Variants in RBFOX1 observed in about 807,000 individuals in gnomAD.
RBFOX1 encodes the protein RNA binding fox-1 homolog 1, also known as RNA binding protein fox-1 homolog 1.
Under a neutral mutation model 57.7 loss-of-function variants are expected in RBFOX1, and 8 were observed. The ratio of observed to expected loss-of-function variants is 0.14; its 90% CI spans 0.08 to 0.25. The LOEUF is 0.25. Ranked by LOEUF, RBFOX1 falls within the 10% of genes least tolerant of loss-of-function variation. The pLI is 1.00. For missense variants in RBFOX1, 611 were observed against 548.5 expected, an observed-to-expected ratio of 1.11 and a Z score of -1.14; for synonymous variants, 326 against 222.4, an observed-to-expected ratio of 1.47 and a Z score of -4.15.
At chr16:6,165,481 A>G (rs2096910465) in intron 1 of RBFOX1, among the ~76,000 whole-genome samples, 1 of 152,154 alleles carries the variant, frequency 6.6e-6, no homozygotes, top group Non-Finnish European at 1.5e-5. Flanking sequence ...GTCTCACTCA[A>G]AAGAGTTCAA....
chr16:6,042,685 C>T (rs553187015), intron 1 of RBFOX1, among the ~76,000 whole-genome samples: 3 of 151,930 alleles, frequency 2.0e-5, no homozygotes, highest in Admixed American at 1.3e-4. Context: ...CCTAAGAAAG[C>T]GTGTCTAAGA....
At chr16:7,665,051 T>C (rs555359322) in intron 13 of RBFOX1, 83 bp downstream of exon 13, 16 of 1,612,184 alleles carry the variant, frequency 9.9e-6, no homozygotes, top group Middle Eastern at 1.7e-4. Flanking sequence ...TTTCTCTACT[T>C]GGCGTAGTTG....
intron 1 of RBFOX1, among the ~76,000 whole-genome samples, chr16:5,347,647 C>G (rs902577975): frequency 6.9e-6 from 1 of 145,208 alleles, no homozygotes; most frequent in Non-Finnish European, 1.5e-5. Context: ...CACCCATCTA[C>G]CCATCTACCC....
intron 3 of RBFOX1, among the ~76,000 whole-genome samples, chr16:5,605,663 T>G (rs2047547345): frequency 6.7e-6 from 1 of 149,980 alleles, no homozygotes; most frequent in African/African-American, 2.5e-5. Flanking sequence ...CTGCCTTGAG[T>G]CTAGGAGGGG....
At chr16:6,800,451 A>G (rs2085135769) in intron 3 of RBFOX1, among the ~76,000 whole-genome samples, 2 of 152,148 alleles carry the variant, frequency 1.3e-5, no homozygotes, top group Admixed American at 6.5e-5. Flanking sequence ...GCTAAATGCA[A>G]ATTTTGGTTC....
chr16:6,490,873 T>C (rs945709426), intron 2 of RBFOX1, among the ~76,000 whole-genome samples: 4 of 152,170 alleles, frequency 2.6e-5, no homozygotes, highest in Non-Finnish European at 4.4e-5. Flanking sequence ...AAAAGACTGA[T>C]GTTGGATCCA....
chr16:6,281,708 A>G (rs906737459), intron 1 of RBFOX1, among the ~76,000 whole-genome samples: 7 of 152,148 alleles, frequency 4.6e-5, no homozygotes, highest in African/African-American at 1.7e-4. Flanking sequence ...TCATAACATT[A>G]ACAGTTGAAT....
At chr16:6,781,722 A>T (rs1487316864) in intron 3 of RBFOX1, among the ~76,000 whole-genome samples, 1 of 152,128 alleles carries the variant, frequency 6.6e-6, no homozygotes, top group Non-Finnish European at 1.5e-5. Context: ...AGTTGATAAA[A>T]ATACTCTCTA....
intron 1 of RBFOX1, among the ~76,000 whole-genome samples, chr16:6,308,019 G>T (rs968436317): frequency 1.3e-5 from 2 of 149,552 alleles, no homozygotes; most frequent in African/African-American, 4.9e-5. Flanking sequence ...TTTTATAAAT[G>T]ATATTTATGT....
At chr16:6,074,669 G>T (rs1240512604) in intron 1 of RBFOX1, among the ~76,000 whole-genome samples, 1 of 152,232 alleles carries the variant, frequency 6.6e-6, no homozygotes, top group African/African-American at 2.4e-5. Context: ...GAAGTCAAGT[G>T]AGGGTCAGTG....
intron 4 of RBFOX1, among the ~76,000 whole-genome samples, chr16:7,203,149 C>T (rs961211996): frequency 5.3e-5 from 8 of 152,102 alleles, no homozygotes; most frequent in East Asian, 1.9e-4. Context: ...AAGTGTTTAT[C>T]AATGATGAAC....
At chr16:5,645,856 C>T (rs945334192) in intron 3 of RBFOX1, among the ~76,000 whole-genome samples, 10 of 152,082 alleles carry the variant, frequency 6.6e-5, no homozygotes, top group Admixed American at 6.6e-5. Context: ...ATTTCATAGA[C>T]AAAGGGTCTT....
intron 4 of RBFOX1, among the ~76,000 whole-genome samples, chr16:7,137,912 T>C (rs541293784): frequency 6.6e-6 from 1 of 152,328 alleles, no homozygotes; most frequent in African/African-American, 2.4e-5. Context: ...TTTAGCTTGA[T>C]GTACATTAGC....
At chr16:5,315,408 C>T (rs2064209429) in intron 1 of RBFOX1, among the ~76,000 whole-genome samples, 1 of 152,142 alleles carries the variant, frequency 6.6e-6, no homozygotes, top group Non-Finnish European at 1.5e-5. Context: ...GGATCTAAAT[C>T]AACAGTGAAA....
At chr16:6,940,396 A>G in intron 3 of RBFOX1, among the ~76,000 whole-genome samples, 1 of 152,170 alleles carries the variant, frequency 6.6e-6, no homozygotes, top group East Asian at 1.9e-4. Context: ...CAGGAACTTA[A>G]CAATTCAGGA....
intron 4 of RBFOX1, among the ~76,000 whole-genome samples, chr16:7,450,153 C>T (rs1036442393): frequency 2.0e-5 from 3 of 151,868 alleles, no homozygotes; most frequent in African/African-American, 4.8e-5. Flanking sequence ...TCCAGCACTT[C>T]GGGAGATGGA....
At chr16:5,743,111 T>C (rs1049765595) in intron 3 of RBFOX1, among the ~76,000 whole-genome samples, 1 of 152,140 alleles carries the variant, frequency 6.6e-6, no homozygotes, top group African/African-American at 2.4e-5. Context: ...ACACTAACGG[T>C]GAGTATTCTG....
At chr16:6,868,777 T>C (rs1019072923) in intron 3 of RBFOX1, among the ~76,000 whole-genome samples, 1 of 152,148 alleles carries the variant, frequency 6.6e-6, no homozygotes, top group Non-Finnish European at 1.5e-5. Flanking sequence ...GGCCAGTATT[T>C]CTTAAAGATA....
At chr16:7,034,984 C>T (rs1454413049) in intron 3 of RBFOX1, among the ~76,000 whole-genome samples, 2 of 150,110 alleles carry the variant, frequency 1.3e-5, no homozygotes, top group Non-Finnish European at 3.0e-5. Context: ...AGTAGCTGGG[C>T]CTACAGGTGC....
Sources: gnomAD v4.1 joint callset for allele counts (sites outside exome capture counted in the v4.1 genomes callset) on GRCh38, gnomAD v4.1.1 for gene constraint, MANE v1.5 for transcripts, NCBI Gene and HGNC (gene_info 2026-07-23, HGNC 2026-07-21) for gene names.